The following CYGB variants were observed in gnomAD, a reference collection of about 807,000 sequenced individuals.
CYGB encodes cytoglobin.
A neutral mutation model predicts 20.7 loss-of-function variants in CYGB; 13 were observed. That is an observed-to-expected ratio of 0.63 (90% CI 0.41 to 1.00). The LOEUF (loss-of-function observed/expected upper bound fraction) is 1.00. Ranked by LOEUF, CYGB falls within the 50% of genes least tolerant of loss-of-function variation. The probability of loss-of-function intolerance (pLI) is 0.00; values close to 1 mark genes in which losing one functional copy is unlikely to be tolerated. For synonymous variants in CYGB, 93 were observed against 107.4 expected (o/e 0.87, Z 0.83); for missense variants, 218 against 257.2 (o/e 0.85, Z 1.04).
In CYGB at chr17:76,530,911, G is replaced by T; in HGVS notation, c.539+68C>A. 6.8e-7 allele frequency: 1 copy of T among 1,480,272 alleles called. No individual in the cohort carries two copies. The allele number at this position is 1,480,272 out of a possible 1,614,324, so 91.7% of individuals were successfully genotyped here. A position where few individuals can be genotyped will look rare whatever the true frequency, so the allele number is the denominator to read the frequency against. On this transcript the variant is annotated intron_variant, in intron 3 of 3. Transcript: ENST00000293230. This position sits in a 1 kb window ranked among gnomAD's most constrained non-coding sequence, Gnocchi z 6.1. Reference sequence around the variant, plus strand: ...CAGCCCCAGGGCCTCAGGAGATATGGGAGACCTCGGGGACAGCAGAGGACA... The same window carrying T: ...CAGCCCCAGGGCCTCAGGAGATATGTGAGACCTCGGGGACAGCAGAGGACA...
chr17:76,544,614 C>T (rs546801244), intron 1 of CYGB: 28 of 456,636 alleles, frequency 6.1e-5, no homozygotes, highest in Non-Finnish European at 9.3e-5. Context: ...AGCCCGTGAT[C>T]GCCTGTCTCA....
intron 1 of CYGB, among the ~76,000 whole-genome samples, chr17:76,548,186 T>C (rs1489689538): frequency 6.6e-6 from 1 of 151,090 alleles, no homozygotes; most frequent in Non-Finnish European, 1.5e-5. Flanking sequence ...CACCGACACA[T>C]ACACATTTAC....
chr17:76,532,973 G>A (rs1031458239), intron 1 of CYGB, among the ~76,000 whole-genome samples: 1 of 152,218 alleles, frequency 6.6e-6, no homozygotes, highest in East Asian at 1.9e-4. Flanking sequence ...GTTCTTCCAG[G>A]TTGTTCTGCC....
intron 1 of CYGB, among the ~76,000 whole-genome samples, chr17:76,543,560 C>T (rs1279459748): frequency 6.6e-6 from 1 of 152,242 alleles, no homozygotes; most frequent in Admixed American, 6.5e-5. Context: ...CCCAACATCA[C>T]CTAGCTAGGA....
At chr17:76,537,317 T>C in intron 1 of CYGB, 83 bp downstream of exon 1, 1 of 1,394,570 alleles carries the variant, frequency 7.2e-7, no homozygotes, top group Non-Finnish European at 9.3e-7. Context: ...GCGCTGGAGC[T>C]CGGACCCGGG....
At chr17:76,544,276 C>T (rs1444222096) in intron 1 of CYGB, 1 of 454,542 alleles carries the variant, frequency 2.2e-6, no homozygotes, top group Non-Finnish European at 4.4e-6. Context: ...GCCTGGCTGG[C>T]CCGTGCCCTT....
chr17:76,538,129 CA>C (rs1431365107), upstream of CYGB: 4 of 155,874 alleles, frequency 2.6e-5, no homozygotes, highest in Non-Finnish European at 4.2e-5. Flanking sequence ...GGAACTGACT[CA>C]AAGTCCAACA....
In CYGB at chr17:76,530,498, C is replaced by A. The variant is rs1283563756; in HGVS notation, c.539+481G>T. The stretch of plus-strand genomic sequence containing the variant: ...GGGGTGTGTGTGTGTGTGTATGTGT[C>A]CTCGTGATCCTCCGGGCTCTAGCCC... On this transcript the variant is annotated intron_variant, in intron 3 of 3. Coordinates refer to ENST00000293230, the MANE Select transcript of CYGB (RefSeq NM_134268.5). The surrounding 1 kb of genome is among the most constrained non-coding windows in gnomAD (Gnocchi z 6.1). Among the ~76,000 whole-genome samples, 1 of 152,138 alleles carries A rather than the reference C, an allele frequency of 6.6e-6. No individual in the cohort carries two copies. Among genetic ancestry groups the A allele is most frequent in the Non-Finnish European group, 1.5e-5 (1 of 68,010 alleles).
rs745465145 is a variant in CYGB, at chr17:76,534,104, TTTCTTTC to T, written c.144-2420_144-2414del. ...TGTTATTGTACCTTTTTTCTTTTTC[TTTCTTTC>T]TTCTTTCTTTCTTTCTTTCTCTCTC... is the stretch of plus-strand genomic sequence containing the variant. On this transcript the variant is annotated intron_variant, in intron 1 of 3. Transcript: ENST00000293230. Among the ~76,000 whole-genome samples the T allele has an allele frequency of 2.1e-3, 313 of 149,548 alleles. 1 individual carries two copies. Among genetic ancestry groups the T allele is most frequent in the Non-Finnish European group, 3.6e-3 (238 of 67,008 alleles).
Position 76,528,264 on chromosome 17 carries a change from C to A in CYGB, c.*314G>T. On this transcript the variant is annotated 3_prime_UTR_variant, in exon 4 of 4. Transcript: ENST00000293230. The surrounding 1 kb of genome is among the most constrained non-coding windows in gnomAD (Gnocchi z 5.8). Reference sequence around the variant, plus strand: ...CTGATAGAAACGGGGCTGGTTTATTCCCTAAGGGACTCCTAGACCTGTCCC... The same window carrying A: ...CTGATAGAAACGGGGCTGGTTTATTACCTAAGGGACTCCTAGACCTGTCCC... 1 of 399,464 alleles carries A rather than the reference C, an allele frequency of 2.5e-6. No individual in the cohort carries two copies. Among genetic ancestry groups the A allele is most frequent in the South Asian group, 1.3e-4 (1 of 7,956 alleles). 24.7% of individuals were successfully genotyped at this position (399,464 alleles called of 1,614,324 possible). A position where few individuals can be genotyped will look rare whatever the true frequency, so the allele number is the denominator to read the frequency against.
chr17:76,549,686 G>T (rs911148674), intron 1 of CYGB, among the ~76,000 whole-genome samples: 3 of 152,224 alleles, frequency 2.0e-5, no homozygotes, highest in African/African-American at 7.2e-5. Context: ...ATTCCTCGAC[G>T]TGGGAACAGA....
rs913937445 is a variant in CYGB at position 76,528,002 on chromosome 17, C to T, written c.*576G>A. On this transcript the variant is annotated 3_prime_UTR_variant, in exon 4 of 4. Coordinates refer to ENST00000293230, the MANE Select transcript of CYGB (RefSeq NM_134268.5). This position sits in a 1 kb window ranked among gnomAD's most constrained non-coding sequence, Gnocchi z 5.8. ...GGTCCTCTGCGCTGCTGTGGGATTT[C>T]CTCTTTGCCAGAACACTCTGTTCTC... 1 of 361,316 alleles carries T rather than the reference C, an allele frequency of 2.8e-6. No individual in the cohort carries two copies. The highest frequency in any genetic ancestry group is 7.1e-5 in the East Asian group (1 of 14,046). 22.4% of individuals were successfully genotyped at this position (361,316 alleles called of 1,614,324 possible).
At chr17:76,542,653 C>G (rs780098653), upstream of CYGB, 3 of 1,533,482 alleles carry the variant, frequency 2.0e-6, no homozygotes, top group African/African-American at 1.4e-5. Flanking sequence ...GGCTGGGAGC[C>G]GGGGAGGGCA....
Position 76,537,707 on chromosome 17 carries a change from T to C in CYGB, c.-165A>G. On this transcript the variant is annotated 5_prime_UTR_variant, in exon 1 of 4. Transcript: ENST00000293230. Reference sequence around the variant, plus strand: ...TGTGTCTGTGCGCGCCGGGTGTGTGTGTGTGTGTGCGTGCGTGTGTGCAGG... The same window carrying C: ...TGTGTCTGTGCGCGCCGGGTGTGTGCGTGTGTGTGCGTGCGTGTGTGCAGG... 2.1e-6 allele frequency: 1 copy of C among 480,012 alleles called. No individual in the cohort carries two copies. Among genetic ancestry groups the C allele is most frequent in the Non-Finnish European group, 2.7e-6 (1 of 373,764 alleles). The allele number at this position is 480,012 out of a possible 1,614,324, so 29.7% of individuals were successfully genotyped here.
At chr17:76,540,429 C>A, upstream of CYGB, 2 of 1,509,672 alleles carry the variant, frequency 1.3e-6, no homozygotes, top group Non-Finnish European at 1.8e-6. The surrounding 1 kb of genome is among the most constrained non-coding windows in gnomAD (Gnocchi z 5.0). Flanking sequence ...TAGCCCAATG[C>A]GGCCTGGACC....
chr17:76,528,386 TC>T lies in CYGB; in HGVS notation c.*191del, dbSNP rs2074791473. ...TCTGCCCGCCGCGCTGGGGTCAGCATCCAGGCAGCCAGCGCCGCCTCCCAGC... is the reference window on the plus strand; with the variant it reads ...TCTGCCCGCCGCGCTGGGGTCAGCATCAGGCAGCCAGCGCCGCCTCCCAGC... On this transcript the variant is annotated 3_prime_UTR_variant, in exon 4 of 4. Transcript: ENST00000293230. The surrounding 1 kb of genome is among the most constrained non-coding windows in gnomAD (Gnocchi z 5.8). 2.2e-6 allele frequency: 1 copy of T among 454,584 alleles called. No homozygotes were observed. Among genetic ancestry groups the T allele is most frequent in the South Asian group, 8.2e-5 (1 of 12,208 alleles). 28.2% of individuals were successfully genotyped at this position (454,584 alleles called of 1,614,324 possible). A position where few individuals can be genotyped will look rare whatever the true frequency, so the allele number is the denominator to read the frequency against.
upstream of CYGB, chr17:76,540,666 C>A: frequency 7.8e-7 from 1 of 1,280,372 alleles, no homozygotes; most frequent in East Asian, 2.4e-5. This position sits in a 1 kb window ranked among gnomAD's most constrained non-coding sequence, Gnocchi z 5.0. Context: ...CCTGTGCGCG[C>A]CTGTGCGTGC....
Position 76,530,906 on chromosome 17 carries a change from A to T in CYGB, c.539+73T>A. 1 of 1,470,342 alleles carries T rather than the reference A, an allele frequency of 6.8e-7. No individual in the cohort carries two copies. Among genetic ancestry groups the T allele is most frequent in the East Asian group, 2.5e-5 (1 of 40,186 alleles). The allele number at this position is 1,470,342 out of a possible 1,614,324, so 91.1% of individuals were successfully genotyped here. A position where few individuals can be genotyped will look rare whatever the true frequency, so the allele number is the denominator to read the frequency against. On this transcript the variant is annotated intron_variant, in intron 3 of 3. Coordinates refer to ENST00000293230, the MANE Select transcript of CYGB (RefSeq NM_134268.5). This position sits in a 1 kb window ranked among gnomAD's most constrained non-coding sequence, Gnocchi z 6.1. ...GTGATCAGCCCCAGGGCCTCAGGAGATATGGGAGACCTCGGGGACAGCAGA... is the reference window on the plus strand; with the variant it reads ...GTGATCAGCCCCAGGGCCTCAGGAGTTATGGGAGACCTCGGGGACAGCAGA...
At chr17:76,536,378 AC>A (rs60267602) in intron 1 of CYGB, among the ~76,000 whole-genome samples, 35 of 152,158 alleles carry the variant, frequency 2.3e-4, no homozygotes, top group African/African-American at 8.2e-4. Flanking sequence ...GCGAGGCTTC[AC>A]CCCATCTGCA....
Sources: gnomAD v4.1 joint callset for allele counts (sites outside exome capture counted in the v4.1 genomes callset) on GRCh38, gnomAD v4.1.1 for gene constraint, Gnocchi (gnomAD v3.1) non-coding constraint, MANE v1.5 for transcripts, NCBI Gene and HGNC (gene_info 2026-07-23, HGNC 2026-07-21) for gene names.